PIEZO2: variants seen among roughly 807,000 people sequenced by gnomAD.
PIEZO2 encodes the protein piezo-type mechanosensitive ion channel component 2.
In PIEZO2, 172 loss-of-function variants were observed where a neutral mutation model predicts 337.3. The ratio of observed to expected loss-of-function variants is 0.51; its 90% CI spans 0.45 to 0.58. The LOEUF (loss-of-function observed/expected upper bound fraction) is 0.58. PIEZO2 is among the 20% of genes least tolerant of loss of function. PIEZO2 has a pLI of 0.00. For synonymous variants in PIEZO2, 1,251 were observed against 1,228.5 expected, an observed-to-expected ratio of 1.02 and a Z score of -0.38; for missense variants, 3,028 against 3,391.3, an observed-to-expected ratio of 0.89 and a Z score of 2.66.
chr18:11,018,382 CGTGTGT>C (rs376013388), intron 2 of PIEZO2, among the ~76,000 whole-genome samples: 13,525 of 113,962 alleles, frequency 0.12, 730 homozygotes, highest in East Asian at 0.21. Flanking sequence ...CCCAACATGT[CGTGTGT>C]GTGTGTGTGT....
chr18:10,941,289 T>C (rs2032712879), intron 3 of PIEZO2, among the ~76,000 whole-genome samples: 1 of 152,184 alleles, frequency 6.6e-6, no homozygotes, highest in Non-Finnish European at 1.5e-5. Flanking sequence ...TCTAGAATTG[T>C]CTTCCCTTTC....
intron 1 of PIEZO2, among the ~76,000 whole-genome samples, chr18:11,093,712 G>A (rs1269785954): frequency 6.7e-6 from 1 of 148,180 alleles, no homozygotes; most frequent in Non-Finnish European, 1.5e-5. Context: ...TCAGGCTCCC[G>A]AGTAGCTCGG....
chr18:10,752,973 C>T, intron 27 of PIEZO2, 94 bp from the exon 28 acceptor site: 1 of 1,389,854 alleles, frequency 7.2e-7, no homozygotes, highest in Non-Finnish European at 9.5e-7. Context: ...AATTCATGCT[C>T]TCTGCTGCAC....
chr18:10,967,409 A>G (rs1598756772), intron 3 of PIEZO2, among the ~76,000 whole-genome samples: 1 of 152,088 alleles, frequency 6.6e-6, no homozygotes, highest in Admixed American at 6.5e-5. Context: ...TCCTATAAAC[A>G]TGTGTGTGCA....
intron 2 of PIEZO2, among the ~76,000 whole-genome samples, chr18:10,996,737 GT>G (rs1268727848): frequency 2.0e-5 from 3 of 152,110 alleles, no homozygotes; most frequent in Non-Finnish European, 4.4e-5. Flanking sequence ...TATTTGGGTT[GT>G]TTATACAGTT....
chr18:10,741,167 C>T, intron 32 of PIEZO2, 65 bp from the exon 33 acceptor site: 1 of 1,398,534 alleles, frequency 7.2e-7, no homozygotes. Flanking sequence ...GAAAACCACG[C>T]TTTAACAACT....
At chr18:10,690,667 G>A (rs571647512) in intron 48 of PIEZO2, among the ~76,000 whole-genome samples, 24 of 152,298 alleles carry the variant, frequency 1.6e-4, no homozygotes, top group South Asian at 8.3e-4. Context: ...TTTTTATGCC[G>A]TGGTTTAATT....
intron 3 of PIEZO2, among the ~76,000 whole-genome samples, chr18:10,928,063 T>C (rs1235175555): frequency 1.3e-5 from 2 of 152,128 alleles, no homozygotes; most frequent in African/African-American, 4.8e-5. Context: ...GCCCCACTCA[T>C]AGGGCAGCCT....
Position 10,761,100 on chromosome 18 carries a change from C to T in PIEZO2, c.3261G>A (p.Leu1087=), listed in dbSNP as rs866552884. The T allele has an allele frequency of 4.6e-6, 7 of 1,536,978 alleles. No homozygotes were observed. The highest frequency in any genetic ancestry group is 1.4e-5 in the African/African-American group (1 of 73,034). ...CTTCAAAGGCCAGGATAGCCAGCAT[C>T]AGGAGGTTATTCTACAAAGCAAGGA... ...PLLVYLRNNL[L]MLAILAFEVT... is the part of the protein sequence containing the mutation. The change falls in exon 24 of 56, where the codon CTG becomes CTA. Residue 1087 remains leucine, a synonymous_variant. Coordinates refer to ENST00000674853, the MANE Select transcript of PIEZO2 (RefSeq NM_001378183.1).
chr18:10,696,840 G>C (rs1016377405), intron 45 of PIEZO2, among the ~76,000 whole-genome samples: 1 of 152,216 alleles, frequency 6.6e-6, no homozygotes, highest in Non-Finnish European at 1.5e-5. Flanking sequence ...TGTTGGGTTT[G>C]TAGCCTGATT....
chr18:10,776,763 C>T (rs1428864124), intron 18 of PIEZO2, among the ~76,000 whole-genome samples: 2 of 152,126 alleles, frequency 1.3e-5, no homozygotes, highest in African/African-American at 4.8e-5. Context: ...GAAGAAACAG[C>T]TGTATGGACT....
intron 1 of PIEZO2, among the ~76,000 whole-genome samples, chr18:11,082,918 C>A (rs1260707193): frequency 6.6e-6 from 1 of 152,168 alleles, no homozygotes; most frequent in Non-Finnish European, 1.5e-5. Flanking sequence ...CAATTTGATT[C>A]TATCATATTA....
chr18:11,061,768 A>T (rs889101653), intron 2 of PIEZO2, among the ~76,000 whole-genome samples: 3 of 152,230 alleles, frequency 2.0e-5, no homozygotes, highest in African/African-American at 7.2e-5. Flanking sequence ...GATACAAACA[A>T]ATGGGGAAGA....
rs1342882381 is a variant in PIEZO2, at chr18:11,021,437, C to T, written c.161-41777G>A. 6.6e-6 allele frequency among the ~76,000 whole-genome samples: 1 copy of T among 151,864 alleles called. No homozygotes were observed. The highest frequency in any genetic ancestry group is 1.5e-5 in the Non-Finnish European group (1 of 67,926). ...TGTGTCTGAAACAATGTTTCCTTCT[C>T]TCCTCCTCCCCACTGCAAGGGCTCC... On this transcript the variant is annotated intron_variant, in intron 2 of 55. Transcript: ENST00000674853. The surrounding 1 kb of genome is among the most constrained non-coding windows in gnomAD (Gnocchi z 4.7).
At chr18:10,744,293 T>C in intron 30 of PIEZO2, 62 bp from the exon 31 acceptor site, 2 of 1,062,538 alleles carry the variant, frequency 1.9e-6, no homozygotes, top group African/African-American at 3.2e-5. Context: ...CCCCTTTTCC[T>C]GAAAATTATT....
Position 10,784,788 on chromosome 18 carries a change from A to G in PIEZO2, c.2488T>C (p.Tyr830His). The change falls in exon 17 of 56, where the codon TAC (tyrosine) becomes CAC (histidine). Residue 830 changes from tyrosine (Y) to histidine (H), a missense_variant. By Grantham distance (83) the Tyr-to-His change is moderately conservative (BLOSUM62 2). This residue lies in a region of PIEZO2 where 1,925 missense variants were observed against 2,051.9 expected (regional missense o/e 0.94). Transcript: ENST00000674853. The surrounding 1 kb of genome is among the most constrained non-coding windows in gnomAD (Gnocchi z 4.5). Reference sequence around the variant, plus strand: ...GTGTTTCTTCCAGTGGCTCACCTGTAGATGGTGTTGTCTTCTTTGCTGGGA... The same window carrying G: ...GTGTTTCTTCCAGTGGCTCACCTGTGGATGGTGTTGTCTTCTTTGCTGGGA... The part of the protein sequence containing the change: ...SIPSKEDNTI[Y>H]SHAKVNGRVY... The G allele has an allele frequency of 6.5e-7, 1 of 1,535,996 alleles. No homozygotes were observed. Among genetic ancestry groups the G allele is most frequent in the South Asian group, 1.2e-5 (1 of 83,764 alleles).
At chr18:10,909,209 C>A (rs372470425) in intron 4 of PIEZO2, among the ~76,000 whole-genome samples, 1 of 152,094 alleles carries the variant, frequency 6.6e-6, no homozygotes, top group East Asian at 1.9e-4. Context: ...TTTGAATTTA[C>A]ATGAAATGAG....
rs80105576 is a variant in PIEZO2 at position 11,087,888 on chromosome 18, G to C, written c.65-21666C>G. On this transcript the variant is annotated intron_variant, in intron 1 of 55. Coordinates refer to ENST00000674853, the MANE Select transcript of PIEZO2 (RefSeq NM_001378183.1). ...CCCTCCAAGCACTCACAGAACTTCAGGCACAACAGCCTGCTTGCAGTCCCT... is the reference window on the plus strand; with the variant it reads ...CCCTCCAAGCACTCACAGAACTTCACGCACAACAGCCTGCTTGCAGTCCCT... 5.1e-3 allele frequency among the ~76,000 whole-genome samples: 770 copies of C among 152,356 alleles called. 7 individuals are homozygous for C. The highest frequency in any genetic ancestry group is 0.018 in the African/African-American group (745 of 41,596).
At position 10,783,089 on chromosome 18, in the gene PIEZO2, T is replaced by C. The variant is rs1266574541; in HGVS notation, c.2492+1695A>G. On this transcript the variant is annotated intron_variant, in intron 17 of 55. Transcript: ENST00000674853. The surrounding 1 kb of genome is among the most constrained non-coding windows in gnomAD (Gnocchi z 4.3). ...GGTTCCTGCATGCTGGAGGCACTTTTAGTGAGAAAAAAAAATGAATATGCA... is the reference window on the plus strand; with the variant it reads ...GGTTCCTGCATGCTGGAGGCACTTTCAGTGAGAAAAAAAAATGAATATGCA... Among the ~76,000 whole-genome samples, 1 of 151,856 alleles carries C rather than the reference T, an allele frequency of 6.6e-6. No homozygotes were observed. The highest frequency in any genetic ancestry group is 1.5e-5 in the Non-Finnish European group (1 of 67,976).
Sources: allele counts gnomAD v4.1 joint callset (sites outside exome capture counted in the v4.1 genomes callset), GRCh38; gene constraint gnomAD v4.1.1; regional missense constraint gnomAD v4.1.1; non-coding constraint Gnocchi (gnomAD v3.1); transcripts MANE v1.5; gene names NCBI Gene and HGNC (gene_info 2026-07-23, HGNC 2026-07-21).